ZNF267: variants seen among roughly 807,000 people sequenced by gnomAD.
ZNF267 encodes the protein zinc finger (C2H2).
Under a neutral mutation model 71.6 loss-of-function variants are expected in ZNF267, and 61 were observed. The observed-to-expected ratio is 0.85, with a 90% CI of 0.69 to 1.05. The LOEUF is 1.05. ZNF267 is among the 50% of genes least tolerant of loss of function. ZNF267 has a pLI of 0.00. For synonymous variants in ZNF267, 288 were observed against 293.2 expected (o/e 0.98, Z 0.18); for missense variants, 852 against 870.0 (o/e 0.98, Z 0.26).
intron 3 of ZNF267, among the ~76,000 whole-genome samples, chr16:31,895,919 G>A (rs534926577): frequency 1.3e-5 from 2 of 151,972 alleles, no homozygotes; most frequent in Non-Finnish European, 2.9e-5. Flanking sequence ...ACATTGTTTA[G>A]GTTGTCTTTT....
chr16:31,879,948 G>A (rs1473303030), intron 1 of ZNF267, among the ~76,000 whole-genome samples: 2 of 152,204 alleles, frequency 1.3e-5, no homozygotes, highest in Admixed American at 1.3e-4. Context: ...ATCTGCAGCT[G>A]TGAATTCTGA....
intron 3 of ZNF267, among the ~76,000 whole-genome samples, chr16:31,889,978 A>G (rs922739168): frequency 1.3e-5 from 2 of 152,208 alleles, no homozygotes; most frequent in Non-Finnish European, 2.9e-5. Flanking sequence ...TTACACCATT[A>G]TGATAAAAAA....
intron 3 of ZNF267, chr16:31,913,242 C>T (rs899346905): frequency 3.3e-5 from 5 of 152,138 alleles, no homozygotes; most frequent in East Asian, 1.9e-4. Context: ...TGGTTAAAAT[C>T]GATGAATTAT....
intron 1 of ZNF267, among the ~76,000 whole-genome samples, chr16:31,877,130 T>A (rs950130965): frequency 2.0e-5 from 3 of 151,708 alleles, no homozygotes; most frequent in Non-Finnish European, 4.4e-5. Context: ...ATTTTAACAC[T>A]CCCCCCACCC....
intron 3 of ZNF267, among the ~76,000 whole-genome samples, chr16:31,896,598 G>A (rs1311788944): frequency 6.6e-6 from 1 of 152,164 alleles, no homozygotes; most frequent in Admixed American, 6.5e-5. Flanking sequence ...TTAGATGCAT[G>A]AATGCATTTT....
chr16:31,908,320 G>A (rs1472141070), intron 3 of ZNF267, among the ~76,000 whole-genome samples: 1 of 152,182 alleles, frequency 6.6e-6, no homozygotes, highest in Non-Finnish European at 1.5e-5. Flanking sequence ...CAGATGCGTA[G>A]TTTGTGAATA....
chr16:31,910,234 T>C (rs1166100091), intron 3 of ZNF267, among the ~76,000 whole-genome samples: 1 of 151,962 alleles, frequency 6.6e-6, no homozygotes, highest in Admixed American at 6.6e-5. Flanking sequence ...TGTATCTTTT[T>C]CTGATTTGGG....
At chr16:31,893,857 G>T (rs2083977911) in intron 3 of ZNF267, among the ~76,000 whole-genome samples, 2 of 152,204 alleles carry the variant, frequency 1.3e-5, no homozygotes, top group East Asian at 3.9e-4. Flanking sequence ...TGGGTGAGAG[G>T]TGAAGAAGGT....
chr16:31,876,261 C>G (rs1182528665), intron 1 of ZNF267, among the ~76,000 whole-genome samples: 3 of 152,110 alleles, frequency 2.0e-5, no homozygotes, highest in East Asian at 3.8e-4. Context: ...CCTCTGTCAC[C>G]CAGACTGAAG....
intron 3 of ZNF267, among the ~76,000 whole-genome samples, chr16:31,907,878 T>C (rs1464388672): frequency 6.7e-6 from 1 of 149,788 alleles, no homozygotes; most frequent in African/African-American, 2.5e-5. Flanking sequence ...CTACTAAAAA[T>C]TGAAAAAAAA....
rs2084184113 is a variant in ZNF267, at chr16:31,917,030, C to G, written c.*549C>G. ...TTTTGACAGGTATATTTCATAGATA[C>G]TTCATTTGTATTTACAGTATTTGAG... On this transcript the variant is annotated 3_prime_UTR_variant, in exon 4 of 4. Transcript: ENST00000300870. 6.5e-6 allele frequency: 1 copy of G among 152,690 alleles called. No homozygotes were observed. Among genetic ancestry groups the G allele is most frequent in the African/African-American group, 2.4e-5 (1 of 41,408 alleles). 9.5% of individuals were successfully genotyped at this position (152,690 alleles called of 1,614,324 possible). A position where few individuals can be genotyped will look rare whatever the true frequency, so the allele number is the denominator to read the frequency against.
At chr16:31,881,794 G>GT (rs1219105953) in intron 1 of ZNF267, among the ~76,000 whole-genome samples, 1 of 151,154 alleles carries the variant, frequency 6.6e-6, no homozygotes, top group Non-Finnish European at 1.5e-5. Flanking sequence ...AGCCTCCCGA[G>GT]TAGCTGGGAT....
In ZNF267 at chr16:31,916,776, C is replaced by T. The variant is rs751239275; in HGVS notation, c.*295C>T. 1 of 262,852 alleles carries T rather than the reference C, an allele frequency of 3.8e-6. No individual in the cohort carries two copies. Among genetic ancestry groups the T allele is most frequent in the South Asian group, 7.2e-5 (1 of 13,960 alleles). 16.3% of individuals were successfully genotyped at this position (262,852 alleles called of 1,614,324 possible). A position where few individuals can be genotyped will look rare whatever the true frequency, so the allele number is the denominator to read the frequency against. On this transcript the variant is annotated 3_prime_UTR_variant, in exon 4 of 4. Transcript: ENST00000300870. ...TTCAAAATATCAAACTTATGAGTCACCTAGGGGTTCATAGAAAAAGGAAGT... is the reference window on the plus strand; with the variant it reads ...TTCAAAATATCAAACTTATGAGTCATCTAGGGGTTCATAGAAAAAGGAAGT...
At chr16:31,900,029 GTTTA>G (rs964721234) in intron 3 of ZNF267, among the ~76,000 whole-genome samples, 9 of 151,312 alleles carry the variant, frequency 5.9e-5, no homozygotes, top group African/African-American at 1.9e-4. Flanking sequence ...CACACAATGT[GTTTA>G]TTTATATATA....
At chr16:31,901,335 C>A (rs1427924710) in intron 3 of ZNF267, among the ~76,000 whole-genome samples, 1 of 152,134 alleles carries the variant, frequency 6.6e-6, no homozygotes, top group Non-Finnish European at 1.5e-5. Context: ...ATGGCTGGGT[C>A]AAATGGTATT....
In ZNF267 at chr16:31,916,977, A is replaced by G. The variant is rs954729558; in HGVS notation, c.*496A>G. On this transcript the variant is annotated 3_prime_UTR_variant, in exon 4 of 4. Transcript: ENST00000300870. ...ATAATTAGATAATTTATTTGCTTAT[A>G]TGTTTTAAAGTAGCAAGAACATTGA... 2.6e-5 allele frequency: 4 copies of G among 154,816 alleles called. No homozygotes were observed. The highest frequency in any genetic ancestry group is 1.9e-4 in the East Asian group (1 of 5,226). 9.6% of individuals were successfully genotyped at this position (154,816 alleles called of 1,614,324 possible).
chr16:31,885,138 T>C, intron 2 of ZNF267, 23 bp from the exon 3 acceptor site: 1 of 1,566,812 alleles, frequency 6.4e-7, no homozygotes, highest in Non-Finnish European at 8.6e-7. Flanking sequence ...TTAAGAGTCA[T>C]GTGAATTTTT....
chr16:31,881,751 C>T (rs1466722430), intron 1 of ZNF267, among the ~76,000 whole-genome samples: 1 of 145,148 alleles, frequency 6.9e-6, no homozygotes, highest in Non-Finnish European at 1.5e-5. Flanking sequence ...CACACAACTT[C>T]TGCCTTCCCG....
chr16:31,898,733 T>C (rs907372123), intron 3 of ZNF267, among the ~76,000 whole-genome samples: 1 of 152,140 alleles, frequency 6.6e-6, no homozygotes, highest in Non-Finnish European at 1.5e-5. Flanking sequence ...TTGTATTTTA[T>C]TGAGGTCACA....
Sources: gnomAD v4.1 joint callset for allele counts (sites outside exome capture counted in the v4.1 genomes callset) on GRCh38, gnomAD v4.1.1 for gene constraint, MANE v1.5 for transcripts, NCBI Gene and HGNC (gene_info 2026-07-23, HGNC 2026-07-21) for gene names.